Variants in SEZ6L2 observed in about 807,000 individuals in gnomAD.
SEZ6L2 encodes the protein seizure related 6 homolog like 2, also known as seizure 6-like protein 2.
A neutral mutation model predicts 97.0 loss-of-function variants in SEZ6L2; 44 were observed. That is an observed-to-expected ratio of 0.45 (90% CI 0.36 to 0.58). SEZ6L2 has a LOEUF of 0.58. Ranked by LOEUF, SEZ6L2 falls within the 20% of genes least tolerant of loss-of-function variation. The pLI, the probability that SEZ6L2 is intolerant of heterozygous loss-of-function variation, is 0.00. For missense variants in SEZ6L2, 1,086 were observed against 1,233.3 expected (o/e 0.88, Z 1.79); for synonymous variants, 543 against 546.1 (o/e 0.99, Z 0.08).
chr16:29,895,176 C>T (rs1378986146), intron 5 of SEZ6L2, 83 bp downstream of exon 5: 3 of 983,056 alleles, frequency 3.1e-6, no homozygotes, highest in South Asian at 1.6e-5. Context: ...AAGACTCTGT[C>T]TCAAAAAAAA....
chr16:29,874,111 C>G (rs2067848011), intron 12 of SEZ6L2, among the ~76,000 whole-genome samples: 1 of 152,198 alleles, frequency 6.6e-6, no homozygotes, highest in South Asian at 2.1e-4. Flanking sequence ...ATTGGAAAAA[C>G]TTAAAATGCA....
In SEZ6L2 at chr16:29,896,857, G is replaced by C. The variant is rs750034874; in HGVS notation, c.476C>G (p.Thr159Ser). 1.2e-6 allele frequency: 2 copies of C among 1,613,142 alleles called. No individual in the cohort carries two copies. Among genetic ancestry groups the C allele is most frequent in the Admixed American group, 1.7e-5 (1 of 59,946 alleles). Residue 159 changes from threonine (T) to serine (S), a missense_variant, in exon 3 of 18, where the codon ACC (threonine) becomes AGC (serine). Physicochemically the swap from Thr to Ser is moderately conservative, Grantham distance 58. Transcript: ENST00000617533. Reference sequence around the variant, plus strand: ...CACCGTAGTGGTAACAGTTGTCGTGGTGATGATGGTGGTCGTCGTCTCCTC... The same window carrying C: ...CACCGTAGTGGTAACAGTTGTCGTGCTGATGATGGTGGTCGTCGTCTCCTC... The part of the protein sequence containing the change: ...GEEETTTTII[T>S]TTTVTTTVTS...
intron 5 of SEZ6L2, among the ~76,000 whole-genome samples, chr16:29,888,936 TC>T (rs1372543559): frequency 6.6e-6 from 1 of 151,904 alleles, no homozygotes; most frequent in African/African-American, 2.4e-5. Context: ...TCTCCCCCAC[TC>T]ATTGTAATTC....
At chr16:29,895,912 C>T (rs1316164056) in intron 3 of SEZ6L2, 52 bp from the exon 4 acceptor site, 1 of 1,550,056 alleles carries the variant, frequency 6.5e-7, no homozygotes, top group African/African-American at 1.4e-5. Context: ...CTTTTGCCCT[C>T]CCAGCCAAGC....
chr16:29,882,159 T>C (rs1344084674), intron 8 of SEZ6L2, among the ~76,000 whole-genome samples: 1 of 151,650 alleles, frequency 6.6e-6, no homozygotes, highest in Non-Finnish European at 1.5e-5. Context: ...TTAGTAGAAA[T>C]GGGGCTTTGC....
At position 29,873,253 on chromosome 16, in the gene SEZ6L2, G is replaced by A; in HGVS notation, c.2475C>T (p.Pro825=). The part of the protein sequence containing the change: ...PGHPSQWTSQ[P]PLCKVAYEEL... ...CTGGCCAGGCACCTTTGCAGAGTGG[G>A]GGCTGGCTGGTCCACTGGGAGGGGT... The change falls in exon 14 of 18, where the codon CCC becomes CCT. Residue 825 remains proline, a synonymous_variant. Coordinates refer to ENST00000617533, the MANE Select transcript of SEZ6L2 (RefSeq NM_001243332.2). This position sits in a 1 kb window ranked among gnomAD's most constrained non-coding sequence, Gnocchi z 4.3. 1 of 1,613,952 alleles carries A rather than the reference G, an allele frequency of 6.2e-7. No homozygotes were observed. Among genetic ancestry groups the A allele is most frequent in the Non-Finnish European group, 8.5e-7 (1 of 1,179,970 alleles).
chr16:29,888,889 A>G (rs1167326298), intron 5 of SEZ6L2, among the ~76,000 whole-genome samples, 164 bp from the exon 6 acceptor site: 2 of 151,240 alleles, frequency 1.3e-5, no homozygotes, highest in African/African-American at 4.9e-5. Flanking sequence ...TCACACAGGC[A>G]CCTTGCCTCG....
In SEZ6L2 at chr16:29,876,408, C is replaced by T. The variant is rs1276570882; in HGVS notation, c.2104+348G>A. ...TGGACCCGGGGAGCCCAGTGGGAAC[C>T]TGGTCGGAGCCCTTTTAGGGGCCAA... On this transcript the variant is annotated intron_variant, in intron 12 of 17. Coordinates refer to ENST00000617533, the MANE Select transcript of SEZ6L2 (RefSeq NM_001243332.2). This position sits in a 1 kb window ranked among gnomAD's most constrained non-coding sequence, Gnocchi z 6.5. Among the ~76,000 whole-genome samples, 2 of 151,876 alleles carry T rather than the reference C, an allele frequency of 1.3e-5. No homozygotes were observed. Among genetic ancestry groups the T allele is most frequent in the Non-Finnish European group, 2.9e-5 (2 of 67,980 alleles).
At position 29,877,446 on chromosome 16, in the gene SEZ6L2, G is replaced by A; in HGVS notation, c.1734C>T (p.Asp578=). The A allele has an allele frequency of 1.2e-6, 2 of 1,601,732 alleles. No individual in the cohort carries two copies. The highest frequency in any genetic ancestry group is 8.5e-7 in the Non-Finnish European group (1 of 1,173,924). ...CGTCCCCGTCGAACAGCGTCAGCAT[G>A]TCCCCTTCCCGCACATTCAATCTGC... ...QVEILNVREG[D]MLTLFDGDGP... The change falls in exon 11 of 18, where the codon GAC becomes GAT. Residue 578 remains aspartate, a synonymous_variant. Coordinates refer to ENST00000617533, the MANE Select transcript of SEZ6L2 (RefSeq NM_001243332.2).
At chr16:29,872,840 G>T (rs2150776595) in intron 14 of SEZ6L2, 97 bp from the exon 15 acceptor site, 2 of 972,666 alleles carry the variant, frequency 2.1e-6, no homozygotes, top group Non-Finnish European at 3.1e-6. Context: ...TGGACAGCCT[G>T]GTTCTCTCTG....
intron 5 of SEZ6L2, 36 bp from the exon 6 acceptor site, chr16:29,888,761 T>A: frequency 6.4e-7 from 1 of 1,569,062 alleles, no homozygotes; most frequent in Non-Finnish European, 8.6e-7. Context: ...AGGGCTCACT[T>A]TCCCATGCCA....
intron 9 of SEZ6L2, 83 bp from the exon 10 acceptor site, chr16:29,878,508 G>A (rs916523476): frequency 8.6e-6 from 10 of 1,163,292 alleles, no homozygotes; most frequent in African/African-American, 4.7e-5. Flanking sequence ...CTCGTGATGC[G>A]TGCACCACAT....
Position 29,888,576 on chromosome 16 carries a change from G to A in SEZ6L2, c.1003C>T (p.Arg335Trp), listed in dbSNP as rs574728940. The part of the protein sequence containing the change: ...EETLICLNGT[R>W]PSWNGETPSC... ...GGGGTTTCACCGTTCCAGGATGGCC[G>A]GGTGCCATTGAGGCAGATGAGGGTC... The change falls in exon 6 of 18, where the codon CGG becomes TGG. Residue 335 changes from arginine (R) to tryptophan (W), a missense_variant. Transcript: ENST00000617533. 7.9e-5 allele frequency: 127 copies of A among 1,613,924 alleles called. 1 individual carries two copies. Among genetic ancestry groups the A allele is most frequent in the Non-Finnish European group, 9.4e-5 (111 of 1,179,936 alleles).
At chr16:29,877,087 C>T (rs540994382) in intron 11 of SEZ6L2, 137 bp from the exon 12 acceptor site, 5 of 1,097,598 alleles carry the variant, frequency 4.6e-6, no homozygotes. Context: ...TCCTGTCGCC[C>T]AGGCTGGAGT....
At position 29,885,720 on chromosome 16, in the gene SEZ6L2, A is replaced by G. The variant is rs2068125117; in HGVS notation, c.1238T>C (p.Leu413Pro). Residue 413 changes from leucine to proline, a missense_variant, in exon 8 of 18, where the codon CTA becomes CCA. Physicochemically the swap from Leu to Pro is moderately conservative, Grantham distance 98 (BLOSUM62 -3). This residue lies in a region of SEZ6L2 where 776 missense variants were observed against 794.7 expected (regional missense o/e 0.98). Coordinates refer to ENST00000617533, the MANE Select transcript of SEZ6L2 (RefSeq NM_001243332.2). Reference protein sequence around the residue: ...RLMVRSGGSPLSPVIYDSDMD... With the variant: ...RLMVRSGGSPPSPVIYDSDMD... ...GTCCGAATCATAGATCACGGGGGAT[A>G]GGGGGCTGCCCCCTGAGCGCACCAT... 3 of 1,613,218 alleles carry G rather than the reference A, an allele frequency of 1.9e-6. No homozygotes were observed. The highest frequency in any genetic ancestry group is 1.3e-5 in the African/African-American group (1 of 74,880).
At chr16:29,880,611 G>A (rs1035896427) in intron 8 of SEZ6L2, among the ~76,000 whole-genome samples, 19 of 151,770 alleles carry the variant, frequency 1.3e-4, no homozygotes, top group African/African-American at 4.4e-4. Flanking sequence ...ATGAGCCACC[G>A]TGCCTGGCCA....
chr16:29,873,520 G>C lies in SEZ6L2; in HGVS notation c.2296+18C>G, dbSNP rs779922728. The C allele has an allele frequency of 1.1e-5, 17 of 1,613,998 alleles. No individual in the cohort carries two copies. The Admixed American group carries it at 2.2e-4, about 21-fold the overall frequency. On this transcript the variant is annotated intron_variant, in intron 13 of 17. Transcript: ENST00000617533. The surrounding 1 kb of genome is among the most constrained non-coding windows in gnomAD (Gnocchi z 4.3). ...CAGGGCTACCCAGCCACCCTCCCAGGGTGTGCCCCAGACTCACAGGCGCAT... is the reference window on the plus strand; with the variant it reads ...CAGGGCTACCCAGCCACCCTCCCAGCGTGTGCCCCAGACTCACAGGCGCAT...
chr16:29,877,207 G>C, intron 11 of SEZ6L2, 64 bp downstream of exon 11: 1 of 1,457,270 alleles, frequency 6.9e-7, no homozygotes, highest in Non-Finnish European at 9.1e-7. Context: ...ACCACGACCG[G>C]CCACCTCCCG....
At chr16:29,880,474 T>G (rs1249082515) in intron 8 of SEZ6L2, among the ~76,000 whole-genome samples, 1 of 152,110 alleles carries the variant, frequency 6.6e-6, no homozygotes, top group Admixed American at 6.6e-5. Flanking sequence ...CATGTGCTAC[T>G]ACGCCTGGCT....
Sources: allele counts gnomAD v4.1 joint callset (sites outside exome capture counted in the v4.1 genomes callset), GRCh38; gene constraint gnomAD v4.1.1; regional missense constraint gnomAD v4.1.1; non-coding constraint Gnocchi (gnomAD v3.1); transcripts MANE v1.5; gene names NCBI Gene and HGNC (gene_info 2026-07-23, HGNC 2026-07-21).